The following MAPRE2 variants were observed in gnomAD, a reference collection of about 807,000 sequenced individuals.
The protein encoded by MAPRE2 is microtubule associated protein RP/EB family member 2, also known as microtubule-associated protein RP/EB family member 2.
A neutral mutation model predicts 43.2 loss-of-function variants in MAPRE2; 13 were observed. That is an observed-to-expected ratio of 0.30 (90% CI 0.20 to 0.48). MAPRE2 has a LOEUF of 0.48. Ranked by LOEUF, MAPRE2 falls within the 20% of genes least tolerant of loss-of-function variation. The pLI, the probability that MAPRE2 is intolerant of heterozygous loss-of-function variation, is 0.99. For synonymous variants in MAPRE2, 135 were observed against 148.8 expected (o/e 0.91, Z 0.68); for missense variants, 161 against 400.2 (o/e 0.40, Z 5.10).
chr18:35,021,426 G>A (rs1338972020), intron 2 of MAPRE2, among the ~76,000 whole-genome samples: 2 of 152,074 alleles, frequency 1.3e-5, no homozygotes, highest in Non-Finnish European at 2.9e-5. Context: ...AAGGGCATAG[G>A]ATTATATTGC....
intron 2 of MAPRE2, among the ~76,000 whole-genome samples, chr18:35,035,919 ATAT>A (rs2150594897): frequency 7.2e-6 from 1 of 139,346 alleles, no homozygotes; most frequent in African/African-American, 2.7e-5. Flanking sequence ...CCTCCAAATA[ATAT>A]GTGTCTCCAA....
At chr18:35,007,165 A>C (rs2097032222) in intron 2 of MAPRE2, among the ~76,000 whole-genome samples, 1 of 152,186 alleles carries the variant, frequency 6.6e-6, no homozygotes, top group Non-Finnish European at 1.5e-5. Context: ...GTGCCCTTTG[A>C]AAACTGATCT....
At chr18:35,071,869 T>A (rs1044619113) in intron 2 of MAPRE2, among the ~76,000 whole-genome samples, 1 of 152,236 alleles carries the variant, frequency 6.6e-6, no homozygotes, top group African/African-American at 2.4e-5. Flanking sequence ...AACTTAGGCG[T>A]TGCCTCACTC....
intron 1 of MAPRE2, among the ~76,000 whole-genome samples, chr18:34,991,243 T>C: frequency 6.6e-6 from 1 of 152,132 alleles, no homozygotes; most frequent in Non-Finnish European, 1.5e-5. Flanking sequence ...CCAGTGTCCA[T>C]TGTTCCCGTC....
chr18:34,994,003 T>C (rs917450178), intron 1 of MAPRE2, among the ~76,000 whole-genome samples: 4 of 151,646 alleles, frequency 2.6e-5, no homozygotes, highest in Non-Finnish European at 1.5e-5. Context: ...TTTTTTTTTT[T>C]TTTTTTTTTT....
intron 1 of MAPRE2, among the ~76,000 whole-genome samples, chr18:35,049,706 A>G (rs923408916): frequency 6.6e-6 from 1 of 152,144 alleles, no homozygotes; most frequent in Admixed American, 6.5e-5. Context: ...AGTCTTCCTG[A>G]TACTTGTCTG....
intron 1 of MAPRE2, among the ~76,000 whole-genome samples, chr18:35,054,486 C>T (rs1465659972): frequency 7.9e-5 from 12 of 152,180 alleles, no homozygotes; most frequent in Admixed American, 1.3e-4. Flanking sequence ...TCAGGTGAGT[C>T]GCTGCCTCCA....
intron 4 of MAPRE2, among the ~76,000 whole-genome samples, chr18:35,113,513 G>C (rs1282772527): frequency 6.6e-6 from 1 of 152,128 alleles, no homozygotes; most frequent in Non-Finnish European, 1.5e-5. Context: ...AAAAACTACA[G>C]AATGTTGTGA....
At chr18:35,011,605 G>A (rs116218092) in intron 2 of MAPRE2, among the ~76,000 whole-genome samples, 2,268 of 152,270 alleles carry the variant, frequency 0.015, 52 homozygotes, top group African/African-American at 0.051. Context: ...TGATGGCTGT[G>A]TAAAGGAAAG....
At chr18:35,059,109 T>C (rs114050098) in intron 1 of MAPRE2, among the ~76,000 whole-genome samples, 2,728 of 152,328 alleles carry the variant, frequency 0.018, 77 homozygotes, top group African/African-American at 0.063. Context: ...TAAATATTAG[T>C]TATTGTAACT....
At chr18:35,086,398 T>C (rs1907881773) in intron 2 of MAPRE2, among the ~76,000 whole-genome samples, 1 of 151,868 alleles carries the variant, frequency 6.6e-6, no homozygotes, top group Admixed American at 6.6e-5. Flanking sequence ...CTTATGAGTG[T>C]ATATATACTG....
At chr18:35,082,761 G>A (rs1238518386) in intron 2 of MAPRE2, among the ~76,000 whole-genome samples, 1 of 152,034 alleles carries the variant, frequency 6.6e-6, no homozygotes, top group African/African-American at 2.4e-5. Flanking sequence ...TTGATTTTAT[G>A]TGTTTGATAA....
At chr18:35,114,517 G>GT (rs1241084489) in intron 4 of MAPRE2, among the ~76,000 whole-genome samples, 1 of 152,124 alleles carries the variant, frequency 6.6e-6, no homozygotes, top group Non-Finnish European at 1.5e-5. Context: ...AAAAGCAGAA[G>GT]TGTATACAAA....
At chr18:35,076,604 A>G (rs1255390821) in intron 2 of MAPRE2, among the ~76,000 whole-genome samples, 1 of 152,212 alleles carries the variant, frequency 6.6e-6, no homozygotes, top group Admixed American at 6.5e-5. Context: ...CTTATGACAC[A>G]GGGACTCTAG....
At chr18:35,085,888 C>T (rs1014934753) in intron 2 of MAPRE2, among the ~76,000 whole-genome samples, 13 of 152,316 alleles carry the variant, frequency 8.5e-5, no homozygotes, top group African/African-American at 3.1e-4. Context: ...ACATAGTTTT[C>T]TGTTTCCTGC....
intron 2 of MAPRE2, among the ~76,000 whole-genome samples, chr18:35,009,200 G>C (rs1377937712): frequency 6.6e-6 from 1 of 152,078 alleles, no homozygotes; most frequent in Non-Finnish European, 1.5e-5. Flanking sequence ...TTGGGGAGGG[G>C]GAGGTAGAGA....
intron 1 of MAPRE2, among the ~76,000 whole-genome samples, chr18:34,994,124 C>T (rs1603387684): frequency 6.6e-6 from 1 of 150,388 alleles, no homozygotes; most frequent in East Asian, 2.0e-4. Context: ...GTACATTGTA[C>T]TAACTGGGAG....
intron 2 of MAPRE2, among the ~76,000 whole-genome samples, chr18:35,023,207 G>C (rs1402618604): frequency 3.9e-5 from 6 of 152,084 alleles, no homozygotes; most frequent in Admixed American, 2.0e-4. Context: ...ACATGTGTCT[G>C]TCTTATTAAA....
chr18:35,050,527 C>A (rs1219569681), intron 1 of MAPRE2, among the ~76,000 whole-genome samples: 2 of 152,122 alleles, frequency 1.3e-5, no homozygotes, highest in South Asian at 2.1e-4. Flanking sequence ...ATGCGTCCAG[C>A]CTGTTTAGTA....
Sources: gnomAD v4.1 joint callset for allele counts (sites outside exome capture counted in the v4.1 genomes callset) on GRCh38, gnomAD v4.1.1 for gene constraint, MANE v1.5 for transcripts, NCBI Gene and HGNC (gene_info 2026-07-23, HGNC 2026-07-21) for gene names.